The following CHRNA4 variants were observed in gnomAD, a reference collection of about 807,000 sequenced individuals.
CHRNA4 encodes neuronal acetylcholine receptor subunit alpha-4.
A neutral mutation model predicts 48.9 loss-of-function variants in CHRNA4; 28 were observed. That is an observed-to-expected ratio of 0.57 (90% confidence interval 0.42 to 0.79). The LOEUF (loss-of-function observed/expected upper bound fraction) is 0.79, where lower values mean the gene tolerates loss of function less well. Among genes scored for constraint, CHRNA4 ranks in the 30% least tolerant of loss-of-function variants. The pLI is 0.00. For missense variants in CHRNA4, 859 were observed against 898.4 expected, an observed-to-expected ratio of 0.96 and a Z score of 0.56; for synonymous variants, 425 against 402.3, an observed-to-expected ratio of 1.06 and a Z score of -0.68.
chr20:63,346,842 C>G lies in CHRNA4; in HGVS notation c.1780G>C (p.Val594Leu). 1.2e-6 allele frequency: 2 copies of G among 1,612,606 alleles called. No individual in the cohort carries two copies. Among genetic ancestry groups the G allele is most frequent in the Non-Finnish European group, 1.7e-6 (2 of 1,179,634 alleles). ...AAGATGCGGTCGATGACCATGGCCACGTACTTCCAGTCCTCCTTCACCTGC... is the reference window on the plus strand; with the variant it reads ...AAGATGCGGTCGATGACCATGGCCAGGTACTTCCAGTCCTCCTTCACCTGC... Reference protein sequence around the residue: ...DFSVKEDWKYVAMVIDRIFLW... With the variant: ...DFSVKEDWKYLAMVIDRIFLW... The change falls in exon 6 of 6, where the codon GTG becomes CTG. Residue 594 changes from valine to leucine, a missense_variant. Transcript: ENST00000370263.
At chr20:63,351,294 C>A (rs904159914) in intron 4 of CHRNA4, among the ~76,000 whole-genome samples, 1 of 116,888 alleles carries the variant, frequency 8.6e-6, no homozygotes, top group Non-Finnish European at 1.9e-5. Context: ...CACAGGAGCA[C>A]AAAAGGGCTG....
intron 2 of CHRNA4, among the ~76,000 whole-genome samples, chr20:63,356,863 G>A (rs1042965220): frequency 6.6e-6 from 1 of 152,178 alleles, no homozygotes; most frequent in African/African-American, 2.4e-5. Context: ...CTCCAGGACT[G>A]TGCCTCATGA....
At chr20:63,355,843 G>T in intron 4 of CHRNA4, 132 bp downstream of exon 4, 2 of 1,251,340 alleles carry the variant, frequency 1.6e-6, no homozygotes, top group Non-Finnish European at 2.3e-6. Flanking sequence ...GGGCTGGCAT[G>T]CATGGGGCTG....
rs1484353719 is a variant in CHRNA4 at position 63,353,712 on chromosome 20, CGGTCCTGGGGGGGCTGT to C, written c.383+2246_383+2262del. On this transcript the variant is annotated intron_variant, in intron 4 of 5. Transcript: ENST00000370263. Reference sequence around the variant, plus strand: ...GGAGGCTGTGGTCCTGGGGGGGCTGCGGTCCTGGGGGGGCTGTGGTCCTAGGAGGCTGTGGTCCTGGG... The same window carrying C: ...GGAGGCTGTGGTCCTGGGGGGGCTGCGGTCCTAGGAGGCTGTGGTCCTGGG... Among the ~76,000 whole-genome samples the C allele has an allele frequency of 1.3e-4, 2 of 15,366 alleles. 1 individual carries two copies. The highest frequency in any genetic ancestry group is 5.2e-4 in the African/African-American group (2 of 3,862). 10.1% of individuals were successfully genotyped at this position (15,366 alleles called of 152,430 possible). A position where few individuals can be genotyped will look rare whatever the true frequency, so the allele number is the denominator to read the frequency against.
intron 5 of CHRNA4, among the ~76,000 whole-genome samples, chr20:63,347,859 T>G (rs1386199851): frequency 6.6e-6 from 1 of 152,150 alleles, no homozygotes; most frequent in Non-Finnish European, 1.5e-5. Flanking sequence ...CTCTGATTGT[T>G]TATAGCAATC....
At chr20:63,351,186 T>TCCACG (rs760821300) in intron 4 of CHRNA4, 159 bp from the exon 5 acceptor site, 40 of 475,466 alleles carry the variant, frequency 8.4e-5, no homozygotes, top group South Asian at 4.7e-4. Flanking sequence ...CACATCCATG[T>TCCACG]CCCACGCCCA....
chr20:63,353,461 T>G (rs1487911655), intron 4 of CHRNA4, among the ~76,000 whole-genome samples: 10 of 117,676 alleles, frequency 8.5e-5, no homozygotes, highest in African/African-American at 3.0e-4. Context: ...GGGGCTGTGG[T>G]CCTAGGGGGG....
At chr20:63,346,931 C>T in intron 5 of CHRNA4, 68 bp from the exon 6 acceptor site, 1 of 1,603,700 alleles carries the variant, frequency 6.2e-7, no homozygotes, top group Non-Finnish European at 8.5e-7. Context: ...CCTCAGGACC[C>T]CGGCGCCGCC....
At chr20:63,351,101 AC>A in intron 4 of CHRNA4, 74 bp from the exon 5 acceptor site, 2 of 1,324,470 alleles carry the variant, frequency 1.5e-6, no homozygotes, top group Non-Finnish European at 2.1e-6. Flanking sequence ...CCACTGCCAC[AC>A]CCATGCCCAC....
intron 4 of CHRNA4, among the ~76,000 whole-genome samples, chr20:63,352,588 C>G (rs1160095211): frequency 1.3e-5 from 2 of 152,172 alleles, no homozygotes; most frequent in Admixed American, 1.3e-4. Flanking sequence ...GAATCAGGCT[C>G]AAGTTTGCTC....
chr20:63,361,240 A>G lies in CHRNA4; in HGVS notation c.-75T>C, dbSNP rs781684320. 3.5e-5 allele frequency: 50 copies of G among 1,430,752 alleles called. No homozygotes were observed. The highest frequency in any genetic ancestry group is 2.2e-4 in the East Asian group (7 of 32,118). The allele number at this position is 1,430,752 out of a possible 1,614,324, so 88.6% of individuals were successfully genotyped here. On this transcript the variant is annotated 5_prime_UTR_variant, in exon 1 of 6. Coordinates refer to ENST00000370263, the MANE Select transcript of CHRNA4 (RefSeq NM_000744.7). The stretch of plus-strand genomic sequence containing the variant: ...CCGCTTCGAGGCCCGTGCGCGCCCA[A>G]CTTCATGCCTCCCGCGCCTCGCGGG...
At chr20:63,347,809 C>T (rs2068520130) in intron 5 of CHRNA4, among the ~76,000 whole-genome samples, 1 of 151,110 alleles carries the variant, frequency 6.6e-6, no homozygotes, top group South Asian at 2.2e-4. Flanking sequence ...GGATGTGCCG[C>T]GGGGGCCTGG....
At position 63,345,112 on chromosome 20, in the gene CHRNA4, T is replaced by G. The variant is rs1435407243; in HGVS notation, c.*1626A>C. 2.2e-6 allele frequency: 1 copy of G among 453,882 alleles called. No individual in the cohort carries two copies. The highest frequency in any genetic ancestry group is 2.0e-5 in the African/African-American group (1 of 49,988). The allele number at this position is 453,882 out of a possible 1,614,324, so 28.1% of individuals were successfully genotyped here. Reference sequence around the variant, plus strand: ...CTGCCCGCGGGGACACAGCGGCATTTCTGGGGCACTCGGCATGCCGGGTTC... The same window carrying G: ...CTGCCCGCGGGGACACAGCGGCATTGCTGGGGCACTCGGCATGCCGGGTTC... On this transcript the variant is annotated 3_prime_UTR_variant, in exon 6 of 6. Coordinates refer to ENST00000370263, the MANE Select transcript of CHRNA4 (RefSeq NM_000744.7). This position sits in a 1 kb window ranked among gnomAD's most constrained non-coding sequence, Gnocchi z 5.4.
chr20:63,352,926 A>C (rs1348580467), intron 4 of CHRNA4, among the ~76,000 whole-genome samples: 1 of 141,672 alleles, frequency 7.1e-6, no homozygotes, highest in Non-Finnish European at 1.5e-5. Flanking sequence ...GGAGCCTTTG[A>C]GGAGAACCCC....
chr20:63,344,996 G>A lies in CHRNA4; in HGVS notation c.*1742C>T, dbSNP rs1452656769. 12 of 437,230 alleles carry A rather than the reference G, an allele frequency of 2.7e-5. No homozygotes were observed. The East Asian group carries it at 6.4e-4, about 23-fold the overall frequency. The allele number at this position is 437,230 out of a possible 1,614,324, so 27.1% of individuals were successfully genotyped here. A position where few individuals can be genotyped will look rare whatever the true frequency, so the allele number is the denominator to read the frequency against. The stretch of plus-strand genomic sequence containing the variant: ...ACAAAAGCCCCAGCCTCAGGACCCC[G>A]GTCACAGGCACCCGGGGGTGGGGGT... On this transcript the variant is annotated 3_prime_UTR_variant, in exon 6 of 6. Transcript: ENST00000370263. The surrounding 1 kb of genome is among the most constrained non-coding windows in gnomAD (Gnocchi z 4.5).
intron 2 of CHRNA4, among the ~76,000 whole-genome samples, chr20:63,357,424 T>C (rs2068738056): frequency 6.6e-6 from 1 of 152,212 alleles, no homozygotes; most frequent in African/African-American, 2.4e-5. Flanking sequence ...TCATTCTCAG[T>C]CGCCCTTGAA....
rs200237123 is a variant in CHRNA4 at position 63,344,016 on chromosome 20, C to T, written c.*2722G>A. On this transcript the variant is annotated 3_prime_UTR_variant, in exon 6 of 6. Coordinates refer to ENST00000370263, the MANE Select transcript of CHRNA4 (RefSeq NM_000744.7). The surrounding 1 kb of genome is among the most constrained non-coding windows in gnomAD (Gnocchi z 4.5). ...AACGGATAGAGTGCCATGCACACAC[C>T]GGCACCTCCATTCCTAATCACCGAC... The T allele has an allele frequency of 1.3e-3, 589 of 454,120 alleles. 9 individuals are homozygous for T. The highest frequency in any genetic ancestry group is 8.7e-3 in the South Asian group (561 of 64,464). 28.1% of individuals were successfully genotyped at this position (454,120 alleles called of 1,614,324 possible).
chr20:63,359,928 T>TGTGTGCGC (rs1359347548), intron 1 of CHRNA4: 1 of 428,222 alleles, frequency 2.3e-6, no homozygotes, highest in East Asian at 4.2e-5. Context: ...TGTGTGTGTG[T>TGTGTGCGC]GCCGGGCGTG....
chr20:63,347,874 G>A (rs1254944268), intron 5 of CHRNA4, among the ~76,000 whole-genome samples: 2 of 152,180 alleles, frequency 1.3e-5, no homozygotes, highest in Non-Finnish European at 2.9e-5. Context: ...GCAATCCCGG[G>A]TCTCCTGATG....
Sources: gnomAD v4.1 joint callset for allele counts (sites outside exome capture counted in the v4.1 genomes callset) on GRCh38, gnomAD v4.1.1 for gene constraint, Gnocchi (gnomAD v3.1) non-coding constraint, MANE v1.5 for transcripts, NCBI Gene and HGNC (gene_info 2026-07-23, HGNC 2026-07-21) for gene names.